The following PAFAH1B3 variants were observed in gnomAD, a reference collection of about 807,000 sequenced individuals.
PAFAH1B3 encodes the protein platelet-activating factor acetylhydrolase IB subunit alpha1.
Under a neutral mutation model 24.4 loss-of-function variants are expected in PAFAH1B3, and 15 were observed. That is an observed-to-expected ratio of 0.62 (90% CI 0.41 to 0.95). The LOEUF is 0.95. Ranked by LOEUF, PAFAH1B3 falls within the 40% of genes least tolerant of loss-of-function variation. The probability of loss-of-function intolerance (pLI) is 0.00; values close to 1 mark genes in which losing one functional copy is unlikely to be tolerated. For missense variants in PAFAH1B3, 266 were observed against 312.2 expected, an observed-to-expected ratio of 0.85 and a Z score of 1.12; for synonymous variants, 144 against 126.5, an observed-to-expected ratio of 1.14 and a Z score of -0.93.
At chr19:42,301,807 T>G in intron 2 of PAFAH1B3, 143 bp downstream of exon 2, 1 of 633,972 alleles carries the variant, frequency 1.6e-6, no homozygotes, top group Admixed American at 2.6e-5. Flanking sequence ...ATGTTGCACC[T>G]TACACCAAGA....
chr19:42,301,142 C>T (rs954543281), intron 2 of PAFAH1B3, among the ~76,000 whole-genome samples: 1 of 152,212 alleles, frequency 6.6e-6, no homozygotes, highest in South Asian at 2.1e-4. Flanking sequence ...AACCAAGCCC[C>T]AGGCTCTGTT....
At chr19:42,298,133 G>A (rs1444796863) in intron 4 of PAFAH1B3, among the ~76,000 whole-genome samples, 2 of 152,260 alleles carry the variant, frequency 1.3e-5, no homozygotes, top group South Asian at 2.1e-4. Flanking sequence ...GGAAGCAGAA[G>A]TTGCAGTGAG....
chr19:42,302,701 GA>G (rs2038658112), upstream of PAFAH1B3: 1 of 245,152 alleles, frequency 4.1e-6, no homozygotes, highest in African/African-American at 2.3e-5. Flanking sequence ...CGAACTACCT[GA>G]AGAGTCGAGA....
intron 1 of PAFAH1B3, 48 bp downstream of exon 1, chr19:42,302,184 A>G: frequency 6.5e-7 from 1 of 1,533,870 alleles, no homozygotes; most frequent in Non-Finnish European, 8.8e-7. Flanking sequence ...CTCCTGAGCC[A>G]CCCCCCGCGC....
In PAFAH1B3 at chr19:42,300,210, C is replaced by T; in HGVS notation, c.246G>A (p.Trp82Ter). Residue 82 changes from tryptophan (W) to a stop codon, truncating the protein, a stop_gained, in exon 3 of 5, where the codon TGG becomes TGA. Coordinates refer to ENST00000262890, the MANE Select transcript of PAFAH1B3 (RefSeq NM_002573.4). LOFTEE classifies it high-confidence loss of function. ...GTTCCAGCTCCCCATTCTCCAGCCG[C>T]CACAGTACATGCTGTGTGCCGTCAC... ...IGGDGTQHVLWRLENGELEHI... is the reference protein window; with the variant it reads ...IGGDGTQHVL 1 of 1,614,232 alleles carries T rather than the reference C, an allele frequency of 6.2e-7. No homozygotes were observed. Among genetic ancestry groups the T allele is most frequent in the Non-Finnish European group, 8.5e-7 (1 of 1,180,042 alleles).
Position 42,297,154 on chromosome 19 carries a change from G to A in PAFAH1B3, c.620C>T (p.Ala207Val). The A allele has an allele frequency of 1.2e-6, 2 of 1,613,954 alleles. No homozygotes were observed. The highest frequency in any genetic ancestry group is 2.2e-5 in the South Asian group (2 of 91,086). The change falls in exon 5 of 5, where the codon GCT (alanine) becomes GTT (valine). Residue 207 changes from alanine to valine, a missense_variant. Physicochemically the swap from Ala to Val is moderately conservative, Grantham distance 64. Coordinates refer to ENST00000262890, the MANE Select transcript of PAFAH1B3 (RefSeq NM_002573.4). ...CAGACGCAGAAGCAGGGAGTGCAGA[G>A]CCCGGCAAACAGGTGTGTAGCCCAG... ...SRLGYTPVCR[A>V]LHSLLLRLLA...
Position 42,297,613 on chromosome 19 carries a change from G to A in PAFAH1B3, c.409-248C>T, listed in dbSNP as rs1030765123. On this transcript the variant is annotated intron_variant, in intron 4 of 4. Coordinates refer to ENST00000262890, the MANE Select transcript of PAFAH1B3 (RefSeq NM_002573.4). ...TTTTGAGACAGAGTCTTGCTCTGTC[G>A]CCCAGACTGGAGTGCAGTGGCGCGA... Among the ~76,000 whole-genome samples the A allele has an allele frequency of 4.1e-5, 6 of 145,500 alleles. 1 individual carries two copies. Among genetic ancestry groups the A allele is most frequent in the South Asian group, 4.3e-4 (2 of 4,604 alleles).
intron 4 of PAFAH1B3, among the ~76,000 whole-genome samples, chr19:42,297,955 G>C (rs1242939676): frequency 6.6e-6 from 1 of 152,144 alleles, no homozygotes; most frequent in African/African-American, 2.4e-5. Context: ...AGCATGATGG[G>C]AGGCAGAGCT....
Position 42,297,170 on chromosome 19 carries a change from T to C in PAFAH1B3, c.604A>G (p.Thr202Ala). 1.2e-6 allele frequency: 2 copies of C among 1,614,076 alleles called. No homozygotes were observed. The highest frequency in any genetic ancestry group is 2.7e-5 in the African/African-American group (2 of 75,022). ...DYLHLSRLGY[T>A]PVCRALHSLL... ...GAGTGCAGAGCCCGGCAAACAGGTG[T>C]GTAGCCCAGGCGGCTCAGATGCAGG... The change falls in exon 5 of 5, where the codon ACA becomes GCA. Residue 202 changes from threonine (T) to alanine (A), a missense_variant. Thr to Ala is a moderately conservative substitution (Grantham distance 58). Transcript: ENST00000262890.
At chr19:42,299,034 C>T (rs956278130) in intron 4 of PAFAH1B3, among the ~76,000 whole-genome samples, 2 of 150,662 alleles carry the variant, frequency 1.3e-5, no homozygotes, top group African/African-American at 2.4e-5. Flanking sequence ...AGGATGGTCT[C>T]GATCTCCTGA....
rs373807564 is a variant in PAFAH1B3 at position 42,299,493 on chromosome 19, C to G, written c.408+477G>C. Among the ~76,000 whole-genome samples, 9 of 151,728 alleles carry G rather than the reference C, an allele frequency of 5.9e-5. No homozygotes were observed. In the East Asian group the frequency reaches 1.8e-3, roughly 30 times the overall value. On this transcript the variant is annotated intron_variant, in intron 4 of 4. Transcript: ENST00000262890. ...AGGCTGGAGTGCAGTGGCACAGTATCAGCTTACTGCAAGCTCCGCCTCCCA... is the reference window on the plus strand; with the variant it reads ...AGGCTGGAGTGCAGTGGCACAGTATGAGCTTACTGCAAGCTCCGCCTCCCA...
At chr19:42,300,429 C>T (rs1162719094) in intron 2 of PAFAH1B3, 142 bp from the exon 3 acceptor site, 1 of 667,340 alleles carries the variant, frequency 1.5e-6, no homozygotes, top group Non-Finnish European at 2.7e-6. Context: ...AAAATTTTAC[C>T]TGGAGCAAAC....
In PAFAH1B3 at chr19:42,300,355, C is replaced by T; in HGVS notation, c.169-68G>A. The T allele has an allele frequency of 1.5e-6, 2 of 1,318,040 alleles. 1 individual carries two copies. The highest frequency in any genetic ancestry group is 2.2e-6 in the Non-Finnish European group (2 of 911,570). 81.6% of individuals were successfully genotyped at this position (1,318,040 alleles called of 1,614,324 possible). On this transcript the variant is annotated intron_variant, in intron 2 of 4. Transcript: ENST00000262890. ...AAGGGCACTGTCCGCATGGACCATC[C>T]CCCTCTGTCCAGGTGTTAACCAAAT...
intron 2 of PAFAH1B3, among the ~76,000 whole-genome samples, chr19:42,300,986 TG>T (rs2038615227): frequency 6.6e-6 from 1 of 152,182 alleles, no homozygotes; most frequent in African/African-American, 2.4e-5. Flanking sequence ...AGCTAATTTT[TG>T]TATTTTTAGT....
intron 4 of PAFAH1B3, among the ~76,000 whole-genome samples, chr19:42,297,825 G>A (rs1225435108): frequency 3.3e-5 from 5 of 151,774 alleles, no homozygotes; most frequent in African/African-American, 4.8e-5. Flanking sequence ...CGCCCGCCTC[G>A]GCCTCCCAAA....
intron 4 of PAFAH1B3, among the ~76,000 whole-genome samples, chr19:42,298,219 G>A (rs948845883): frequency 6.7e-6 from 1 of 149,922 alleles, no homozygotes; most frequent in African/African-American, 2.5e-5. Flanking sequence ...GGCCAAGGGA[G>A]GTTGCTCACG....
At chr19:42,300,525 AT>A in intron 2 of PAFAH1B3, among the ~76,000 whole-genome samples, 1 of 152,134 alleles carries the variant, frequency 6.6e-6, no homozygotes, top group East Asian at 1.9e-4. Flanking sequence ...AGACAGAGTT[AT>A]TTTATTTTTG....
chr19:42,298,221 T>C (rs1416224174), intron 4 of PAFAH1B3, among the ~76,000 whole-genome samples: 3 of 151,526 alleles, frequency 2.0e-5, no homozygotes, highest in Admixed American at 2.0e-4. Context: ...CCAAGGGAGG[T>C]TGCTCACGCC....
At chr19:42,301,857 T>C (rs2038633119) in intron 2 of PAFAH1B3, 93 bp downstream of exon 2, 2 of 1,028,148 alleles carry the variant, frequency 1.9e-6, no homozygotes, top group Non-Finnish European at 2.9e-6. Context: ...ATCTGGGTAC[T>C]CTCATAATAC....
Sources: allele counts gnomAD v4.1 joint callset (sites outside exome capture counted in the v4.1 genomes callset), GRCh38; gene constraint gnomAD v4.1.1; transcripts MANE v1.5; gene names NCBI Gene and HGNC (gene_info 2026-07-23, HGNC 2026-07-21).